Variants in MIPOL1 observed in about 807,000 individuals in gnomAD.
MIPOL1 encodes the protein mirror-image polydactyly 1, also known as mirror-image polydactyly gene 1 protein.
A neutral mutation model predicts 60.9 loss-of-function variants in MIPOL1; 57 were observed. The ratio of observed to expected loss-of-function variants is 0.94; its 90% CI spans 0.76 to 1.17. MIPOL1 has a LOEUF of 1.17. Ranked by LOEUF, MIPOL1 falls within the 50% of genes most tolerant of loss-of-function variation. The pLI, the probability that MIPOL1 is intolerant of heterozygous loss-of-function variation, is 0.00. For synonymous variants in MIPOL1, 179 were observed against 168.8 expected, an observed-to-expected ratio of 1.06 and a Z score of -0.47; for missense variants, 551 against 511.6, an observed-to-expected ratio of 1.08 and a Z score of -0.74.
chr14:37,418,444 C>T (rs1223409793), intron 10 of MIPOL1, among the ~76,000 whole-genome samples: 2 of 152,120 alleles, frequency 1.3e-5, no homozygotes, highest in African/African-American at 2.4e-5. Flanking sequence ...TTAACCAACC[C>T]ATTTTTCAAT....
chr14:37,434,380 G>T (rs1240892586), intron 11 of MIPOL1: 2 of 151,728 alleles, frequency 1.3e-5, no homozygotes, highest in Admixed American at 6.6e-5. Context: ...TGATGAGGTT[G>T]TTTTTTTTCT....
intron 12 of MIPOL1, chr14:37,506,039 T>TA (rs1299096380): frequency 2.0e-5 from 3 of 152,072 alleles, no homozygotes; most frequent in African/African-American, 7.2e-5. Context: ...GAATCCAACT[T>TA]ACAAGGGATG....
At chr14:37,551,544 A>G (rs1366743112), downstream of MIPOL1, 1 of 152,084 alleles carries the variant, frequency 6.6e-6, no homozygotes, top group African/African-American at 2.4e-5. Context: ...GAATATGGTT[A>G]GAAAGAACAT....
At chr14:37,342,472 A>G (rs968106560) in intron 9 of MIPOL1, among the ~76,000 whole-genome samples, 2 of 150,592 alleles carry the variant, frequency 1.3e-5, no homozygotes, top group Non-Finnish European at 3.0e-5. Context: ...ATCTCGGCTC[A>G]CTGCAATCTC....
intron 10 of MIPOL1, among the ~76,000 whole-genome samples, chr14:37,407,821 TTTC>T (rs1162665869): frequency 6.7e-6 from 1 of 149,184 alleles, no homozygotes. Context: ...TGCTTTATTT[TTTC>T]TTTTCTTTCT....
chr14:37,363,996 A>T (rs1595415941), intron 9 of MIPOL1, among the ~76,000 whole-genome samples: 1 of 152,280 alleles, frequency 6.6e-6, no homozygotes, highest in East Asian at 1.9e-4. Flanking sequence ...GGAAAAGCAC[A>T]GTATTTGGGC....
At chr14:37,473,432 C>T (rs985308751) in intron 11 of MIPOL1, among the ~76,000 whole-genome samples, 2 of 152,044 alleles carry the variant, frequency 1.3e-5, no homozygotes, top group Non-Finnish European at 2.9e-5. Context: ...TGAACACAGA[C>T]ACTATACTAT....
intron 10 of MIPOL1, among the ~76,000 whole-genome samples, chr14:37,392,437 C>T: frequency 6.6e-6 from 1 of 152,028 alleles, no homozygotes; most frequent in East Asian, 1.9e-4. Context: ...TTTAAAGATT[C>T]CTTGGGATTT....
intron 10 of MIPOL1, among the ~76,000 whole-genome samples, chr14:37,414,282 A>AT (rs2093727278): frequency 6.6e-6 from 1 of 152,180 alleles, no homozygotes; most frequent in Admixed American, 6.5e-5. Flanking sequence ...CATGAAACTA[A>AT]TTTATACACC....
chr14:37,356,763 G>A (rs918816567), intron 9 of MIPOL1, among the ~76,000 whole-genome samples: 1 of 152,144 alleles, frequency 6.6e-6, no homozygotes, highest in African/African-American at 2.4e-5. Flanking sequence ...GCCCTGCTTC[G>A]GCTCACGCAC....
chr14:37,315,065 T>G (rs1240613464), intron 9 of MIPOL1, among the ~76,000 whole-genome samples: 1 of 152,098 alleles, frequency 6.6e-6, no homozygotes, highest in Non-Finnish European at 1.5e-5. Flanking sequence ...ATGAAAATAG[T>G]TAATGTATAG....
chr14:37,435,054 A>C (rs2094142550), intron 11 of MIPOL1, among the ~76,000 whole-genome samples: 1 of 151,948 alleles, frequency 6.6e-6, no homozygotes, highest in Non-Finnish European at 1.5e-5. Flanking sequence ...TATTCCACCT[A>C]CTTTGTGAAT....
At chr14:37,207,239 GT>G (rs1966234533) in intron 1 of MIPOL1, among the ~76,000 whole-genome samples, 3 of 152,276 alleles carry the variant, frequency 2.0e-5, no homozygotes, top group Non-Finnish European at 4.4e-5. Context: ...TAGTGAATAA[GT>G]CCAGGTGAGT....
intron 11 of MIPOL1, among the ~76,000 whole-genome samples, chr14:37,476,033 G>C (rs1475462032): frequency 6.6e-6 from 1 of 152,138 alleles, no homozygotes; most frequent in East Asian, 1.9e-4. Context: ...ACAATACTGA[G>C]TTATCTTATC....
chr14:37,226,483 C>G (rs565664836), intron 1 of MIPOL1, among the ~76,000 whole-genome samples: 1 of 152,302 alleles, frequency 6.6e-6, no homozygotes, highest in East Asian at 1.9e-4. Context: ...GGGGTTCCCC[C>G]TTATAGAACC....
intron 5 of MIPOL1, among the ~76,000 whole-genome samples, chr14:37,269,145 AT>A (rs1039662917): frequency 1.3e-5 from 2 of 151,570 alleles, no homozygotes; most frequent in Admixed American, 6.6e-5. Flanking sequence ...TACTATCTTA[AT>A]TTTTTTTTCT....
chr14:37,203,032 C>T (rs772058705), intron 1 of MIPOL1, among the ~76,000 whole-genome samples: 6 of 152,238 alleles, frequency 3.9e-5, no homozygotes, highest in Non-Finnish European at 8.8e-5. Context: ...TGCAACTTCA[C>T]GTACCATCTA....
At chr14:37,501,227 T>C (rs750927803) in intron 12 of MIPOL1, among the ~76,000 whole-genome samples, 1 of 152,210 alleles carries the variant, frequency 6.6e-6, no homozygotes, top group Non-Finnish European at 1.5e-5. Flanking sequence ...GGGGTTTATA[T>C]TCAGTCAGAA....
chr14:37,549,588 T>C lies in MIPOL1; in HGVS notation c.*2617T>C, dbSNP rs1417462766. 1 of 151,846 alleles carries C rather than the reference T, an allele frequency of 6.6e-6. No homozygotes were observed. The highest frequency in any genetic ancestry group is 1.5e-5 in the Non-Finnish European group (1 of 67,788). The allele number at this position is 151,846 out of a possible 1,614,324, so 9.4% of individuals were successfully genotyped here. ...GCAACTATGAGTCTCTAAATCTCTC[T>C]GTAAGAAAAAAATTTCAAAGTAAAG... is the stretch of plus-strand genomic sequence containing the variant. On this transcript the variant is annotated 3_prime_UTR_variant, in exon 13 of 13. Transcript: ENST00000684589.
Sources: allele counts gnomAD v4.1 joint callset (sites outside exome capture counted in the v4.1 genomes callset), GRCh38; gene constraint gnomAD v4.1.1; transcripts MANE v1.5; gene names NCBI Gene and HGNC (gene_info 2026-07-23, HGNC 2026-07-21).